The following ATP13A2 variants were observed in gnomAD, a reference collection of about 807,000 sequenced individuals.
The protein encoded by ATP13A2 is ATPase cation transporting 13A2.
Under a neutral mutation model 138.3 loss-of-function variants are expected in ATP13A2, and 83 were observed. The observed-to-expected ratio is 0.60, with a 90% confidence interval of 0.50 to 0.72. ATP13A2 has a LOEUF of 0.72. Among genes scored for constraint, ATP13A2 ranks in the 30% least tolerant of loss-of-function variants. The pLI is 0.00. For synonymous variants in ATP13A2, 663 were observed against 699.0 expected, an observed-to-expected ratio of 0.95 and a Z score of 0.81; for missense variants, 1,402 against 1,606.4, an observed-to-expected ratio of 0.87 and a Z score of 2.17.
At chr1:16,994,640 G>A (rs1212485796) in intron 15 of ATP13A2, among the ~76,000 whole-genome samples, 1 of 151,914 alleles carries the variant, frequency 6.6e-6, no homozygotes, top group Non-Finnish European at 1.5e-5. Context: ...GGAACTATAA[G>A]AATCTGGTCA....
rs1570821678 is a variant in ATP13A2, at chr1:16,996,041, T to G, written c.1477A>C (p.Ile493Leu). The change falls in exon 15 of 29, where the codon ATT (isoleucine) becomes CTT (leucine). Residue 493 changes from isoleucine to leucine, a missense_variant. Transcript: ENST00000326735. ...ATGCGCAGTGGGTGGATGCAGAAAA[T>G]GCCCTGTCTCCGCAGTCGGCTCTGG... ...YAQSRLRRQG[I>L]FCIHPLRINL... 6 of 1,614,020 alleles carry G rather than the reference T, an allele frequency of 3.7e-6. No individual in the cohort carries two copies. Among genetic ancestry groups the G allele is most frequent in the Non-Finnish European group, 3.4e-6 (4 of 1,180,030 alleles).
intron 6 of ATP13A2, among the ~76,000 whole-genome samples, chr1:17,003,662 T>C (rs1262203093): frequency 1.4e-5 from 1 of 72,442 alleles, no homozygotes; most frequent in Non-Finnish European, 2.4e-5. Context: ...TTGTGTTTCT[T>C]TTTCTTTTTT....
Position 16,992,002 on chromosome 1 carries a change from G to A in ATP13A2, c.2126+7C>T, listed in dbSNP as rs2076948261. ...CTCAGAGTGGGTGGGACAGGAGACAGGCCCACCTCGTCAGTTGCTGGGCTG... is the reference window on the plus strand; with the variant it reads ...CTCAGAGTGGGTGGGACAGGAGACAAGCCCACCTCGTCAGTTGCTGGGCTG... On this transcript the variant is annotated splice_region_variant and intron_variant, in intron 19 of 28. Coordinates refer to ENST00000326735, the MANE Select transcript of ATP13A2 (RefSeq NM_022089.4). 2.5e-6 allele frequency: 4 copies of A among 1,611,970 alleles called. No homozygotes were observed. Among genetic ancestry groups the A allele is most frequent in the Non-Finnish European group, 3.4e-6 (4 of 1,178,716 alleles).
Position 16,992,162 on chromosome 1 carries a change from G to A in ATP13A2, c.2006-33C>T, listed in dbSNP as rs765245942. 4.3e-6 allele frequency: 7 copies of A among 1,611,928 alleles called. No individual in the cohort carries two copies. In the African/African-American group the frequency reaches 8.0e-5, roughly 18 times the overall value. ...GGAGAGGCAGGTGTCACAAGGAGGGGATGGCAGGGACAGAGGCTGGGTACC... is the reference window on the plus strand; with the variant it reads ...GGAGAGGCAGGTGTCACAAGGAGGGAATGGCAGGGACAGAGGCTGGGTACC... On this transcript the variant is annotated intron_variant, in intron 18 of 28. Coordinates refer to ENST00000326735, the MANE Select transcript of ATP13A2 (RefSeq NM_022089.4).
chr1:16,994,935 T>C (rs969663058), intron 15 of ATP13A2, among the ~76,000 whole-genome samples: 1 of 152,102 alleles, frequency 6.6e-6, no homozygotes, highest in Non-Finnish European at 1.5e-5. Flanking sequence ...GTGCCGGGAT[T>C]CCAGGCATGA....
chr1:16,990,312 G>T, intron 20 of ATP13A2, 25 bp from the exon 21 acceptor site: 1 of 1,613,416 alleles, frequency 6.2e-7, no homozygotes, highest in Non-Finnish European at 8.5e-7. Flanking sequence ...GCAAGGTGAG[G>T]GTCTGAGGCT....
Position 16,991,746 on chromosome 1 carries a change from C to T in ATP13A2, c.2239G>A (p.Val747Ile), listed in dbSNP as rs774714712. ...CATGCCATTGTACCTGTCACCATGACGGCGCGGATGCGGGTCCTTCGCAGA... is the reference window on the plus strand; with the variant it reads ...CATGCCATTGTACCTGTCACCATGATGGCGCGGATGCGGGTCCTTCGCAGA... The part of the protein sequence containing the change: ...QALRRTRIRA[V>I]MVTGDNLQTA... Residue 747 changes from valine (V) to isoleucine (I), a missense_variant, in exon 20 of 29, where the codon GTC becomes ATC. Transcript: ENST00000326735. 5.6e-6 allele frequency: 9 copies of T among 1,614,168 alleles called. No individual in the cohort carries two copies. Among genetic ancestry groups the T allele is most frequent in the East Asian group, 2.2e-5 (1 of 44,886 alleles).
intron 12 of ATP13A2, 177 bp downstream of exon 12, chr1:16,996,843 G>T: frequency 1.2e-6 from 1 of 836,136 alleles, no homozygotes; most frequent in Non-Finnish European, 1.9e-6. Flanking sequence ...CCCAACTTCT[G>T]CTAAGATGGG....
Position 16,991,836 on chromosome 1 carries a change from TCAG to T in ATP13A2, c.2146_2148del (p.Leu716del). The T allele has an allele frequency of 3.7e-6, 6 of 1,614,114 alleles. No homozygotes were observed. Among genetic ancestry groups the T allele is most frequent in the Non-Finnish European group, 5.1e-6 (6 of 1,180,044 alleles). The stretch of plus-strand genomic sequence containing the variant: ...CTCATGACCAGCAGCCCCAGGAGGC[TCAG>T]GTCTCCTTCCACAGTGTCCCTGGAG... On this transcript the variant is annotated inframe_deletion, in exon 20 of 29. Transcript: ENST00000326735.
intron 22 of ATP13A2, 56 bp from the exon 23 acceptor site, chr1:16,989,826 G>T: frequency 1.1e-5 from 17 of 1,611,234 alleles, no homozygotes; most frequent in Non-Finnish European, 1.4e-5. Flanking sequence ...AGAGCGAGCC[G>T]TGAGGAAGGA....
At chr1:17,008,779 T>A (rs1269794829) in intron 1 of ATP13A2, among the ~76,000 whole-genome samples, 1 of 151,946 alleles carries the variant, frequency 6.6e-6, no homozygotes, top group African/African-American at 2.4e-5. Context: ...GCTAACACGG[T>A]GAAACCCTGT....
intron 6 of ATP13A2, among the ~76,000 whole-genome samples, chr1:17,003,034 T>A (rs1263636710): frequency 6.6e-6 from 1 of 152,078 alleles, no homozygotes; most frequent in East Asian, 1.9e-4. Context: ...TGGCAGGGAA[T>A]TTGATGGTAA....
intron 1 of ATP13A2, among the ~76,000 whole-genome samples, chr1:17,008,665 G>T (rs1027979316): frequency 2.0e-5 from 3 of 152,120 alleles, no homozygotes; most frequent in Non-Finnish European, 4.4e-5. Flanking sequence ...AAAACCCTCA[G>T]GCCGGCCGTG....
In ATP13A2 at chr1:17,004,805, G is replaced by T; in HGVS notation, c.364C>A (p.Gln122Lys). The change falls in exon 5 of 29, where the codon CAG becomes AAG. Residue 122 changes from glutamine to lysine, a missense_variant. By Grantham distance (53) the Gln-to-Lys change is moderately conservative. Transcript: ENST00000326735. This position sits in a 1 kb window ranked among gnomAD's most constrained non-coding sequence, Gnocchi z 4.1. Reference protein sequence around the residue: ...IGEGSLEPSPQSQAEDGRSQA... With the variant: ...IGEGSLEPSPKSQAEDGRSQA... ...CTCCGGCCATCCTCTGCCTGGGACT[G>T]TGGGGACGGCTCCAGGCTGGGGAAG... The T allele has an allele frequency of 6.2e-7, 1 of 1,613,942 alleles. No homozygotes were observed. The highest frequency in any genetic ancestry group is 8.5e-7 in the Non-Finnish European group (1 of 1,180,044).
rs927333814 is a variant in ATP13A2, at chr1:16,986,726, C to A, written c.3235+79G>T. 3 of 1,575,896 alleles carry A rather than the reference C, an allele frequency of 1.9e-6. No homozygotes were observed. In the African/African-American group the frequency reaches 4.1e-5, roughly 21 times the overall value. ...CCAGTCTTCCACTCGGCCGGCACCT[C>A]TCTCCCATCTGCCTCCCCAGCACCC... On this transcript the variant is annotated intron_variant, in intron 27 of 28. Transcript: ENST00000326735. This position sits in a 1 kb window ranked among gnomAD's most constrained non-coding sequence, Gnocchi z 6.9.
chr1:16,997,303 A>T, intron 11 of ATP13A2, 128 bp from the exon 12 acceptor site: 1 of 1,128,538 alleles, frequency 8.9e-7, no homozygotes. Context: ...GTGAACAAGA[A>T]ATCACAGCCC....
At chr1:16,993,863 G>T in intron 15 of ATP13A2, 28 bp from the exon 16 acceptor site, 1 of 1,526,158 alleles carries the variant, frequency 6.6e-7, no homozygotes, top group Non-Finnish European at 8.8e-7. Context: ...GTGGGGCAGC[G>T]ATGAGTCCTG....
intron 1 of ATP13A2, among the ~76,000 whole-genome samples, chr1:17,009,599 G>A (rs894401198): frequency 6.6e-6 from 1 of 151,696 alleles, no homozygotes; most frequent in Non-Finnish European, 1.5e-5. Context: ...TCATTTTGTT[G>A]CCCAGGCTGA....
chr1:17,010,866 G>T (rs2077759345), intron 1 of ATP13A2, among the ~76,000 whole-genome samples: 1 of 152,160 alleles, frequency 6.6e-6, no homozygotes, highest in Admixed American at 6.5e-5. Flanking sequence ...CAGGGCGGCT[G>T]CCTCCTCCCT....
Sources: allele counts gnomAD v4.1 joint callset (sites outside exome capture counted in the v4.1 genomes callset), GRCh38; gene constraint gnomAD v4.1.1; non-coding constraint Gnocchi (gnomAD v3.1); transcripts MANE v1.5; gene names NCBI Gene and HGNC (gene_info 2026-07-23, HGNC 2026-07-21).